The following WDR27 variants were observed in gnomAD, a reference collection of about 807,000 sequenced individuals.
The protein encoded by WDR27 is WD repeat-containing protein 27.
In WDR27, 100 loss-of-function variants were observed where a neutral mutation model predicts 114.4. The ratio of observed to expected loss-of-function variants is 0.87; its 90% CI spans 0.74 to 1.03. WDR27 has a LOEUF of 1.03. Among genes scored for constraint, WDR27 ranks in the 50% least tolerant of loss-of-function variants. The probability of loss-of-function intolerance (pLI) is 0.00; values close to 1 mark genes in which losing one functional copy is unlikely to be tolerated. For synonymous variants in WDR27, 449 were observed against 423.1 expected (o/e 1.06, Z -0.75); for missense variants, 1,129 against 1,092.9 (o/e 1.03, Z -0.47).
chr6:169,613,589 C>G lies in WDR27; in HGVS notation c.2291G>C (p.Gly764Ala). 1 of 1,613,834 alleles carries G rather than the reference C, an allele frequency of 6.2e-7. No individual in the cohort carries two copies. Reference sequence around the variant, plus strand: ...GGTTCTCAGGTCCCACAGTCTCATCCCATCGCCAATGGCCGTGGTCAGGAA... The same window carrying G: ...GGTTCTCAGGTCCCACAGTCTCATCGCATCGCCAATGGCCGTGGTCAGGAA... The part of the protein sequence containing the change: ...NLFLTTAIGD[G>A]MRLWDLRTLR... Residue 764 changes from glycine to alanine, a missense_variant, in exon 22 of 26, where the codon GGG (glycine) becomes GCG (alanine). Transcript: ENST00000448612.
intron 21 of WDR27, among the ~76,000 whole-genome samples, chr6:169,629,709 C>T (rs1562746912): frequency 6.6e-6 from 1 of 151,910 alleles, no homozygotes; most frequent in African/African-American, 2.4e-5. Context: ...GGCAGATCAC[C>T]TGAGGTGAGG....
chr6:169,662,390 T>G lies in WDR27; in HGVS notation c.939A>C (p.Gly313=). 3 of 1,614,038 alleles carry G rather than the reference T, an allele frequency of 1.9e-6. No homozygotes were observed. Among genetic ancestry groups the G allele is most frequent in the Non-Finnish European group, 2.5e-6 (3 of 1,179,874 alleles). ...ESQLPSTSAL[G]KGEQVEVTFP... ...ATGTTACTTCAACCTGCTCTCCTTTTCCCAGAGCACTTGTAGAGGGAAGCT... is the reference window on the plus strand; with the variant it reads ...ATGTTACTTCAACCTGCTCTCCTTTGCCCAGAGCACTTGTAGAGGGAAGCT... The change falls in exon 9 of 26, where the codon GGA becomes GGC. Residue 313 remains glycine (G), a synonymous_variant. Transcript: ENST00000448612.
At chr6:169,552,660 T>C (rs925469474) in intron 25 of WDR27, among the ~76,000 whole-genome samples, 1 of 152,238 alleles carries the variant, frequency 6.6e-6, no homozygotes, top group Non-Finnish European at 1.5e-5. Flanking sequence ...ATTGATCAAC[T>C]GCCTCCCTGG....
intron 25 of WDR27, among the ~76,000 whole-genome samples, chr6:169,494,749 T>C (rs1318260445): frequency 2.0e-5 from 3 of 152,170 alleles, no homozygotes; most frequent in Admixed American, 1.3e-4. Flanking sequence ...CAGCATCAGA[T>C]TGGAAAACTG....
chr6:169,645,598 G>A (rs1029821146), intron 16 of WDR27, among the ~76,000 whole-genome samples: 33 of 148,336 alleles, frequency 2.2e-4, no homozygotes, highest in Non-Finnish European at 3.9e-4. Context: ...ACCCTAGTTC[G>A]CAGGAGTCCC....
At chr6:169,532,124 C>A (rs1460424545) in intron 25 of WDR27, among the ~76,000 whole-genome samples, 1 of 152,000 alleles carries the variant, frequency 6.6e-6, no homozygotes, top group Non-Finnish European at 1.5e-5. Context: ...AATTTTAATA[C>A]AAGTGAAAAT....
chr6:169,691,920 T>C (rs1199331126), intron 1 of WDR27, among the ~76,000 whole-genome samples: 1 of 152,166 alleles, frequency 6.6e-6, no homozygotes, highest in Non-Finnish European at 1.5e-5. Context: ...ACTCATACTG[T>C]GAAGTTTTGT....
chr6:169,502,844 C>G (rs974210930), intron 25 of WDR27, among the ~76,000 whole-genome samples: 2 of 152,148 alleles, frequency 1.3e-5, no homozygotes, highest in African/African-American at 4.8e-5. Context: ...TTCCTCACCA[C>G]AGACACTGAC....
intron 21 of WDR27, among the ~76,000 whole-genome samples, chr6:169,617,268 G>C (rs1012051012): frequency 1.3e-5 from 2 of 152,224 alleles, no homozygotes; most frequent in Non-Finnish European, 2.9e-5. Flanking sequence ...GACTGTGCCA[G>C]ATTTTATAGG....
At chr6:169,494,489 C>A (rs535719612) in intron 25 of WDR27, among the ~76,000 whole-genome samples, 2 of 152,222 alleles carry the variant, frequency 1.3e-5, no homozygotes, top group South Asian at 4.2e-4. Context: ...TTGAGCAATG[C>A]ATTGCACTAT....
chr6:169,557,868 G>A (rs3736712), intron 25 of WDR27, among the ~76,000 whole-genome samples: 16,816 of 152,124 alleles, frequency 0.11, 2,036 homozygotes, highest in East Asian at 0.62. Context: ...ATAAGAGACT[G>A]TCTTCATTGC....
intron 25 of WDR27, among the ~76,000 whole-genome samples, chr6:169,550,278 A>G (rs137898016): frequency 6.6e-6 from 1 of 152,216 alleles, no homozygotes. Context: ...CACATCTAGC[A>G]TCAACAAGAA....
In WDR27 at chr6:169,645,036, TAAAAAAAAAAAAA is replaced by T. The variant is rs369797685; in HGVS notation, c.1658-1263_1658-1251del. ...AAAAAAAAAAAATAAAAAAAAAAAA[TAAAAAAAAAAAAA>T]AAAAAAAAAGAAAATCCTAGTTCAC... is the stretch of plus-strand genomic sequence containing the variant. On this transcript the variant is annotated intron_variant, in intron 16 of 25. Coordinates refer to ENST00000448612, the MANE Select transcript of WDR27 (RefSeq NM_182552.5). 1.8e-3 allele frequency among the ~76,000 whole-genome samples: 137 copies of T among 76,960 alleles called. 15 individuals are homozygous for T. The highest frequency in any genetic ancestry group is 4.7e-3 in the Admixed American group (30 of 6,360). 50.5% of individuals were successfully genotyped at this position (76,960 alleles called of 152,430 possible). A position where few individuals can be genotyped will look rare whatever the true frequency, so the allele number is the denominator to read the frequency against.
intron 25 of WDR27, among the ~76,000 whole-genome samples, chr6:169,491,640 G>A (rs1276997410): frequency 1.3e-5 from 2 of 152,136 alleles, no homozygotes; most frequent in Admixed American, 6.6e-5. Context: ...AATTAAGCAG[G>A]AAGGGCAGGG....
chr6:169,582,686 T>C (rs1259261713), intron 24 of WDR27, 150 bp downstream of exon 24: 3 of 538,250 alleles, frequency 5.6e-6, no homozygotes, highest in Non-Finnish European at 9.7e-6. Flanking sequence ...AATAAAAATA[T>C]ATTTCCTAAG....
At chr6:169,573,303 T>G (rs552463633) in intron 24 of WDR27, among the ~76,000 whole-genome samples, 1 of 152,172 alleles carries the variant, frequency 6.6e-6, no homozygotes, top group African/African-American at 2.4e-5. Flanking sequence ...AAATGCAAAA[T>G]TGAAAATAAA....
At chr6:169,632,690 A>G (rs1313411455) in intron 21 of WDR27, among the ~76,000 whole-genome samples, 1 of 152,256 alleles carries the variant, frequency 6.6e-6, no homozygotes, top group Non-Finnish European at 1.5e-5. Flanking sequence ...GTTTTATGTA[A>G]GAATGTTTTA....
In WDR27 at chr6:169,563,018, G is replaced by T. The variant is rs117328330; in HGVS notation, c.2645+9401C>A. Among the ~76,000 whole-genome samples, 326 of 152,278 alleles carry T rather than the reference G, an allele frequency of 2.1e-3. 1 individual carries two copies. The highest frequency in any genetic ancestry group is 3.6e-3 in the Non-Finnish European group (244 of 68,022). The stretch of plus-strand genomic sequence containing the variant: ...GAGCAAATGGGTCTAAAGGAGACAC[G>T]CTGGGGCTTTTGGAAAATAATCAGA... On this transcript the variant is annotated intron_variant, in intron 25 of 25. Transcript: ENST00000448612.
chr6:169,546,147 A>G (rs1489247769), intron 25 of WDR27, among the ~76,000 whole-genome samples: 1 of 152,236 alleles, frequency 6.6e-6, no homozygotes, highest in Non-Finnish European at 1.5e-5. Context: ...AAGGACACGA[A>G]GAAATGAATC....
Sources: allele counts gnomAD v4.1 joint callset (sites outside exome capture counted in the v4.1 genomes callset), GRCh38; gene constraint gnomAD v4.1.1; transcripts MANE v1.5; gene names NCBI Gene and HGNC (gene_info 2026-07-23, HGNC 2026-07-21).